Variants in MND1 observed in about 807,000 individuals in gnomAD.
The protein encoded by MND1 is meiotic nuclear divisions 1.
MND1 carries 28 observed loss-of-function variants against 35.1 expected under a neutral mutation model. The ratio of observed to expected loss-of-function variants is 0.80; its 90% CI spans 0.59 to 1.09. The LOEUF (loss-of-function observed/expected upper bound fraction) is 1.09. Ranked by LOEUF, MND1 falls within the 50% of genes least tolerant of loss-of-function variation. MND1 has a pLI of 0.00. For missense variants in MND1, 213 were observed against 239.6 expected, an observed-to-expected ratio of 0.89 and a Z score of 0.73; for synonymous variants, 69 against 70.5, an observed-to-expected ratio of 0.98 and a Z score of 0.11.
At chr4:153,412,727 A>C (rs1729719629) in intron 7 of MND1, among the ~76,000 whole-genome samples, 1 of 150,760 alleles carries the variant, frequency 6.6e-6, no homozygotes, top group African/African-American at 2.4e-5. Context: ...ACCTCAGGCA[A>C]TCTGCCTGCC....
chr4:153,395,319 C>T (rs1422430269), intron 5 of MND1, among the ~76,000 whole-genome samples: 5 of 152,124 alleles, frequency 3.3e-5, no homozygotes, highest in Non-Finnish European at 7.3e-5. Context: ...GTAGAACCAC[C>T]TTCAACTAAT....
intron 1 of MND1, among the ~76,000 whole-genome samples, chr4:153,347,821 C>T (rs148991606): frequency 3.9e-4 from 60 of 152,038 alleles, no homozygotes; most frequent in African/African-American, 1.3e-3. Flanking sequence ...TAATTACAGG[C>T]AGTTTTTGTA....
intron 1 of MND1, among the ~76,000 whole-genome samples, chr4:153,348,053 A>G (rs1773116164): frequency 6.6e-6 from 1 of 152,208 alleles, no homozygotes; most frequent in African/African-American, 2.4e-5. Flanking sequence ...GTGAACATAG[A>G]GGGTGAGTCA....
intron 6 of MND1, among the ~76,000 whole-genome samples, chr4:153,397,660 A>AAG (rs1554012928): frequency 2.0e-5 from 3 of 151,818 alleles, no homozygotes; most frequent in African/African-American, 7.3e-5. Flanking sequence ...CTACAAAAAA[A>AAG]AAACACAAAA....
chr4:153,408,407 T>C (rs556514006), intron 6 of MND1, among the ~76,000 whole-genome samples: 37 of 152,368 alleles, frequency 2.4e-4, no homozygotes, highest in African/African-American at 8.7e-4. Context: ...CATGGCATTG[T>C]TACATGCTGT....
Position 153,394,997 on chromosome 4 carries a change from C to T in MND1, c.351+661C>T, listed in dbSNP as rs546114235. 6.6e-5 allele frequency among the ~76,000 whole-genome samples: 10 copies of T among 152,102 alleles called. 1 individual carries two copies. The South Asian group carries it at 1.0e-3, about 16-fold the overall frequency. Reference sequence around the variant, plus strand: ...AACATGAACCACTAAGCATTTCATCCGGGTCTCTATTTGTATCACTTGATT... The same window carrying T: ...AACATGAACCACTAAGCATTTCATCTGGGTCTCTATTTGTATCACTTGATT... On this transcript the variant is annotated intron_variant, in intron 5 of 7. Transcript: ENST00000240488.
chr4:153,358,718 G>A, intron 4 of MND1, 96 bp downstream of exon 4: 1 of 1,203,430 alleles, frequency 8.3e-7, no homozygotes. Context: ...TTGAATTTTT[G>A]ATATGCATTA....
upstream of MND1, chr4:153,344,653 G>T (rs529041518): frequency 1.2e-4 from 146 of 1,267,918 alleles, no homozygotes; most frequent in East Asian, 4.2e-3. Context: ...CGGCGTAGTC[G>T]GCGCCAAAAT....
intron 1 of MND1, chr4:153,345,301 C>T (rs1773047514): frequency 1.0e-6 from 1 of 980,234 alleles, no homozygotes; most frequent in Non-Finnish European, 1.2e-6. Flanking sequence ...GAGCACATTC[C>T]AGAACTGCTC....
intron 1 of MND1, among the ~76,000 whole-genome samples, chr4:153,349,676 A>G (rs1216110226): frequency 6.6e-6 from 1 of 152,196 alleles, no homozygotes; most frequent in African/African-American, 2.4e-5. Context: ...CTTCCTCTGC[A>G]TAGTGGAATT....
At chr4:153,387,216 C>T (rs1407612693) in intron 4 of MND1, among the ~76,000 whole-genome samples, 1 of 151,846 alleles carries the variant, frequency 6.6e-6, no homozygotes, top group African/African-American at 2.4e-5. Flanking sequence ...TTATAGTTTT[C>T]CTTCTAGCTT....
intron 4 of MND1, among the ~76,000 whole-genome samples, chr4:153,389,226 G>A (rs1022850642): frequency 1.3e-5 from 2 of 152,192 alleles, no homozygotes; most frequent in African/African-American, 4.8e-5. Context: ...TCAGCTTGGA[G>A]GCGAGGTTTC....
chr4:153,387,410 A>G lies in MND1; in HGVS notation c.277-6852A>G, dbSNP rs797011960. Among the ~76,000 whole-genome samples, 5 of 152,004 alleles carry G rather than the reference A, an allele frequency of 3.3e-5. No homozygotes were observed. The East Asian group carries it at 5.8e-4, about 18-fold the overall frequency. On this transcript the variant is annotated intron_variant, in intron 4 of 7. Coordinates refer to ENST00000240488, the MANE Select transcript of MND1 (RefSeq NM_032117.4). ...TCTTTACAGTGTTTATTGTTTCCTTATGATTAATTTTTAAATGGAATATTA... is the reference window on the plus strand; with the variant it reads ...TCTTTACAGTGTTTATTGTTTCCTTGTGATTAATTTTTAAATGGAATATTA...
At chr4:153,352,621 T>C (rs984580174) in intron 2 of MND1, among the ~76,000 whole-genome samples, 1 of 151,920 alleles carries the variant, frequency 6.6e-6, no homozygotes, top group African/African-American at 2.4e-5. Flanking sequence ...CACCTGTAAT[T>C]CCAACATTTT....
At chr4:153,410,446 C>T (rs1729650173) in intron 7 of MND1, among the ~76,000 whole-genome samples, 1 of 152,052 alleles carries the variant, frequency 6.6e-6, no homozygotes, top group African/African-American at 2.4e-5. Flanking sequence ...TATGCAAAGA[C>T]AGAGATAAGA....
intron 6 of MND1, among the ~76,000 whole-genome samples, chr4:153,403,301 A>G (rs1193433358): frequency 6.6e-6 from 1 of 152,246 alleles, no homozygotes; most frequent in Non-Finnish European, 1.5e-5. Flanking sequence ...GCAAGCAAGA[A>G]GCAAAGACTA....
intron 4 of MND1, among the ~76,000 whole-genome samples, chr4:153,379,016 C>T (rs1471571908): frequency 6.6e-5 from 10 of 152,206 alleles, no homozygotes; most frequent in South Asian, 4.1e-4. Context: ...GGGCTGCGCG[C>T]GGTGACTCAC....
At chr4:153,354,714 T>C (rs913179298) in intron 2 of MND1, among the ~76,000 whole-genome samples, 16 of 152,140 alleles carry the variant, frequency 1.1e-4, no homozygotes, top group Admixed American at 1.0e-3. Context: ...GGTCTCACTG[T>C]GTTACCCAGG....
chr4:153,399,968 A>G (rs1373217768), intron 6 of MND1, among the ~76,000 whole-genome samples: 3 of 125,396 alleles, frequency 2.4e-5, no homozygotes, highest in Admixed American at 2.2e-4. Flanking sequence ...GTGCATGATC[A>G]GGGATCACGG....
Sources: allele counts gnomAD v4.1 joint callset (sites outside exome capture counted in the v4.1 genomes callset), GRCh38; gene constraint gnomAD v4.1.1; transcripts MANE v1.5; gene names NCBI Gene and HGNC (gene_info 2026-07-23, HGNC 2026-07-21).